Variants in NMNAT2 observed in about 807,000 individuals in gnomAD.
NMNAT2 encodes the protein nicotinamide nucleotide adenylyltransferase 2.
NMNAT2 carries 11 observed loss-of-function variants against 41.6 expected under a neutral mutation model. The ratio of observed to expected loss-of-function variants is 0.26; its 90% CI spans 0.17 to 0.44. The LOEUF (loss-of-function observed/expected upper bound fraction) is 0.44, where lower values mean the gene tolerates loss of function less well. Ranked by LOEUF, NMNAT2 falls within the 20% of genes least tolerant of loss-of-function variation. NMNAT2 has a pLI of 1.00. For missense variants in NMNAT2, 288 were observed against 407.7 expected, an observed-to-expected ratio of 0.71 and a Z score of 2.53; for synonymous variants, 148 against 151.2, an observed-to-expected ratio of 0.98 and a Z score of 0.16.
Position 183,261,310 on chromosome 1 carries a change from A to T in NMNAT2, c.652-7T>A. 6.2e-7 allele frequency: 1 copy of T among 1,611,072 alleles called. No individual in the cohort carries two copies. Among genetic ancestry groups the T allele is most frequent in the Non-Finnish European group, 8.5e-7 (1 of 1,178,272 alleles). ...CACCAACAATCACCTCCATCTAAAGAAACAGAGAGAGGGCCCTTTGGTGAA... is the reference window on the plus strand; with the variant it reads ...CACCAACAATCACCTCCATCTAAAGTAACAGAGAGAGGGCCCTTTGGTGAA... On this transcript the variant is annotated splice_polypyrimidine_tract_variant and splice_region_variant and intron_variant, in intron 8 of 10. Transcript: ENST00000287713.
At chr1:183,288,446 A>C (rs1661449981) in intron 4 of NMNAT2, among the ~76,000 whole-genome samples, 1 of 152,200 alleles carries the variant, frequency 6.6e-6, no homozygotes, top group African/African-American at 2.4e-5. Flanking sequence ...AGTGACCTAC[A>C]TTCTTTGCCA....
At chr1:183,258,827 C>T (rs550695126) in intron 10 of NMNAT2, among the ~76,000 whole-genome samples, 2 of 152,218 alleles carry the variant, frequency 1.3e-5, no homozygotes, top group South Asian at 2.1e-4. Flanking sequence ...AAGACAGCTT[C>T]GACTCCCTGT....
chr1:183,261,338 C>G (rs943835165), intron 8 of NMNAT2, 35 bp from the exon 9 acceptor site: 10 of 1,562,024 alleles, frequency 6.4e-6, no homozygotes, highest in Non-Finnish European at 7.9e-6. Context: ...TTGGTGAAAC[C>G]CTGATCCCAA....
At chr1:183,278,916 G>A (rs1418552489) in intron 7 of NMNAT2, among the ~76,000 whole-genome samples, 1 of 152,220 alleles carries the variant, frequency 6.6e-6, no homozygotes, top group African/African-American at 2.4e-5. Flanking sequence ...CCAGGACATA[G>A]ATCTTTCAGG....
chr1:183,364,915 A>G (rs1162273488), intron 1 of NMNAT2, among the ~76,000 whole-genome samples: 1 of 151,962 alleles, frequency 6.6e-6, no homozygotes, highest in Non-Finnish European at 1.5e-5. Flanking sequence ...CTGGTCTTGA[A>G]CTGCTAACCT....
Position 183,415,287 on chromosome 1 carries a change from G to A in NMNAT2, c.85+2896C>T, listed in dbSNP as rs1268567984. Among the ~76,000 whole-genome samples the A allele has an allele frequency of 7.2e-5, 11 of 152,268 alleles. No individual in the cohort carries two copies. In the East Asian group the frequency reaches 2.1e-3, roughly 29 times the overall value. ...AGTGAGCCACCACACCTGGCCAAAAGTTTGATAATTTAGTTGTATTAATTA... is the reference window on the plus strand; with the variant it reads ...AGTGAGCCACCACACCTGGCCAAAAATTTGATAATTTAGTTGTATTAATTA... On this transcript the variant is annotated intron_variant, in intron 1 of 10. Coordinates refer to ENST00000287713, the MANE Select transcript of NMNAT2 (RefSeq NM_015039.4).
intron 8 of NMNAT2, among the ~76,000 whole-genome samples, chr1:183,262,923 G>C (rs659712): frequency 0.72 from 109,541 of 152,128 alleles, 40,883 homozygotes; most frequent in Middle Eastern, 0.86. Flanking sequence ...AGGAACCCAG[G>C]TTTTTTCCCA....
At chr1:183,370,632 T>TGAGGAA (rs1289726592) in intron 1 of NMNAT2, among the ~76,000 whole-genome samples, 1 of 152,148 alleles carries the variant, frequency 6.6e-6, no homozygotes, top group Non-Finnish European at 1.5e-5. Flanking sequence ...GCACAAGGAA[T>TGAGGAA]GAGGAAGAGG....
At chr1:183,379,852 G>T (rs1322155613) in intron 1 of NMNAT2, among the ~76,000 whole-genome samples, 1 of 152,208 alleles carries the variant, frequency 6.6e-6, no homozygotes, top group Non-Finnish European at 1.5e-5. Context: ...TCAAGGGATT[G>T]CTTGAAAGAT....
In NMNAT2 at chr1:183,286,670, G is replaced by C; in HGVS notation, c.440C>G (p.Pro147Arg). 1 of 1,609,556 alleles carries C rather than the reference G, an allele frequency of 6.2e-7. No homozygotes were observed. The highest frequency in any genetic ancestry group is 8.5e-7 in the Non-Finnish European group (1 of 1,177,876). ...IYQNSNVATK[P>R]TAAKILGKVG... ...CATCAGTGTTCCCCTACCTGCAGTG[G>C]GCTTGGTGGCCACGTTGCTGTTCTG... The change falls in exon 5 of 11, where the codon CCC becomes CGC. Residue 147 changes from proline (P) to arginine (R), a missense_variant. Around this residue, in one of 3 missense-constraint regions of NMNAT2, gnomAD observed 181 missense variants for 213.7 expected, o/e 0.85. Coordinates refer to ENST00000287713, the MANE Select transcript of NMNAT2 (RefSeq NM_015039.4).
At chr1:183,289,040 C>T (rs754685351) in intron 4 of NMNAT2, among the ~76,000 whole-genome samples, 14 of 152,196 alleles carry the variant, frequency 9.2e-5, no homozygotes, top group Non-Finnish European at 1.5e-4. Flanking sequence ...CTCCCCAGGA[C>T]GGAGCAATGA....
At chr1:183,280,436 G>A (rs191450842) in intron 7 of NMNAT2, among the ~76,000 whole-genome samples, 4 of 151,942 alleles carry the variant, frequency 2.6e-5, no homozygotes, top group Admixed American at 1.3e-4. Flanking sequence ...CACCCAAGCT[G>A]GAGTGCAGTG....
At chr1:183,326,891 G>T (rs976164442) in intron 1 of NMNAT2, among the ~76,000 whole-genome samples, 1 of 152,148 alleles carries the variant, frequency 6.6e-6, no homozygotes, top group Non-Finnish European at 1.5e-5. Flanking sequence ...TAGATAACCA[G>T]GTGGATGGAA....
At chr1:183,315,435 T>C (rs531366347) in intron 1 of NMNAT2, among the ~76,000 whole-genome samples, 2 of 152,084 alleles carry the variant, frequency 1.3e-5, no homozygotes, top group South Asian at 4.2e-4. Context: ...CAAGGTACAA[T>C]ACACAGAGGT....
intron 1 of NMNAT2, among the ~76,000 whole-genome samples, chr1:183,298,759 GT>G (rs1661770283): frequency 6.6e-6 from 1 of 152,144 alleles, no homozygotes; most frequent in South Asian, 2.1e-4. Flanking sequence ...GCATAGTCTA[GT>G]GGTTAGGAAC....
intron 1 of NMNAT2, among the ~76,000 whole-genome samples, chr1:183,389,464 C>T (rs1051433839): frequency 2.0e-5 from 3 of 152,016 alleles, no homozygotes; most frequent in African/African-American, 7.3e-5. Flanking sequence ...AACCTCTCGC[C>T]ACCTAGGTCT....
intron 1 of NMNAT2, among the ~76,000 whole-genome samples, chr1:183,415,145 C>T (rs1649219754): frequency 6.6e-6 from 1 of 152,082 alleles, no homozygotes; most frequent in African/African-American, 2.4e-5. Flanking sequence ...CCATACCTGG[C>T]TAATTTTTAT....
intron 1 of NMNAT2, among the ~76,000 whole-genome samples, chr1:183,387,952 C>T (rs1384852292): frequency 6.6e-6 from 1 of 152,082 alleles, no homozygotes; most frequent in African/African-American, 2.4e-5. Context: ...AATAACAAAC[C>T]CTTAGAGAAC....
intron 7 of NMNAT2, among the ~76,000 whole-genome samples, chr1:183,280,110 A>G (rs2102298326): frequency 6.6e-6 from 1 of 152,302 alleles, no homozygotes. Context: ...GCGTTGCGCC[A>G]TAGGATTTCT....
Sources: allele counts gnomAD v4.1 joint callset (sites outside exome capture counted in the v4.1 genomes callset), GRCh38; gene constraint gnomAD v4.1.1; regional missense constraint gnomAD v4.1.1; transcripts MANE v1.5; gene names NCBI Gene and HGNC (gene_info 2026-07-23, HGNC 2026-07-21).